The following IMMP2L variants were observed in gnomAD, a reference collection of about 807,000 sequenced individuals.
The protein encoded by IMMP2L is mitochondrial inner membrane protease subunit 2.
A neutral mutation model predicts 19.3 loss-of-function variants in IMMP2L; 18 were observed. The observed-to-expected ratio is 0.93, with a 90% CI of 0.64 to 1.38. The LOEUF is 1.38. Among genes scored for constraint, IMMP2L ranks in the 40% most tolerant of loss-of-function variants. IMMP2L has a pLI of 0.00. For synonymous variants in IMMP2L, 76 were observed against 73.0 expected, an observed-to-expected ratio of 1.04 and a Z score of -0.21; for missense variants, 233 against 218.2, an observed-to-expected ratio of 1.07 and a Z score of -0.43.
chr7:111,201,549 C>T (rs894470271), intron 3 of IMMP2L, among the ~76,000 whole-genome samples: 1 of 151,672 alleles, frequency 6.6e-6, no homozygotes, highest in Non-Finnish European at 1.5e-5. Context: ...AAACTCATCT[C>T]TAAAAAAAAT....
intron 3 of IMMP2L, among the ~76,000 whole-genome samples, chr7:111,342,674 T>A (rs1288756666): frequency 6.6e-6 from 1 of 152,090 alleles, no homozygotes; most frequent in Non-Finnish European, 1.5e-5. Flanking sequence ...TTATTGATCT[T>A]AAAAATGCTA....
chr7:110,750,016 C>CT (rs1277355366), intron 5 of IMMP2L, among the ~76,000 whole-genome samples: 1 of 152,058 alleles, frequency 6.6e-6, no homozygotes, highest in South Asian at 2.1e-4. Context: ...GGACTAAACT[C>CT]TAACAGCATA....
intron 3 of IMMP2L, among the ~76,000 whole-genome samples, chr7:111,224,356 G>C (rs1209275381): frequency 6.6e-6 from 1 of 152,094 alleles, no homozygotes; most frequent in South Asian, 2.1e-4. Context: ...GCAAATGATG[G>C]TTTGTACATG....
At chr7:111,158,245 A>C (rs1445277818) in intron 3 of IMMP2L, among the ~76,000 whole-genome samples, 1 of 152,086 alleles carries the variant, frequency 6.6e-6, no homozygotes, top group Non-Finnish European at 1.5e-5. Context: ...AATATTTTCA[A>C]CTCTTCAAAG....
intron 3 of IMMP2L, among the ~76,000 whole-genome samples, chr7:111,449,185 G>A (rs989219733): frequency 3.2e-4 from 47 of 146,786 alleles, no homozygotes; most frequent in Non-Finnish European, 3.5e-4. Flanking sequence ...TAGAAAAAGA[G>A]GGAATCCTCC....
rs533506048 is a variant in IMMP2L at position 111,059,026 on chromosome 7, C to T, written c.240-95461G>A. Among the ~76,000 whole-genome samples, 7 of 151,918 alleles carry T rather than the reference C, an allele frequency of 4.6e-5. No homozygotes were observed. The East Asian group carries it at 7.7e-4, about 17-fold the overall frequency. The stretch of plus-strand genomic sequence containing the variant: ...GAGATGGAGTCTTGCACTGTCGCTG[C>T]GGCTGGAGTGCAGTGGCGCAATCTC... On this transcript the variant is annotated intron_variant, in intron 3 of 5. Transcript: ENST00000405709.
rs548083909 is a variant in IMMP2L at position 110,721,271 on chromosome 7, AG to A, written c.409-57551del. Among the ~76,000 whole-genome samples the A allele has an allele frequency of 1.5e-4, 23 of 152,216 alleles. No individual in the cohort carries two copies. The East Asian group carries it at 4.4e-3, about 29-fold the overall frequency. ...AACCTTCCCAAGTCTCACATTGTTCAGGGTTGTTGCAAGGACTAAAATGAAA... is the reference window on the plus strand; with the variant it reads ...AACCTTCCCAAGTCTCACATTGTTCAGGTTGTTGCAAGGACTAAAATGAAA... On this transcript the variant is annotated intron_variant, in intron 5 of 5. Transcript: ENST00000405709.
rs149395650 is a variant in IMMP2L at position 110,754,587 on chromosome 7, A to G, written c.409-90866T>C. On this transcript the variant is annotated intron_variant, in intron 5 of 5. Transcript: ENST00000405709. ...TTTGGGTCTAGGGATATTAACTTGG[A>G]TTTTGAATTTTGGAAATTCTTGTTA... Among the ~76,000 whole-genome samples the G allele has an allele frequency of 2.7e-3, 407 of 152,176 alleles. 1 individual carries two copies. The highest frequency in any genetic ancestry group is 8.9e-3 in the African/African-American group (371 of 41,550).
chr7:111,371,249 C>G (rs11979086), intron 3 of IMMP2L, among the ~76,000 whole-genome samples: 2,504 of 152,108 alleles, frequency 0.016, 70 homozygotes, highest in African/African-American at 0.057. Context: ...TTCCCATTCT[C>G]TCGTGGTGAT....
At chr7:111,023,333 G>C (rs1276624972) in intron 3 of IMMP2L, among the ~76,000 whole-genome samples, 1 of 152,134 alleles carries the variant, frequency 6.6e-6, no homozygotes, top group African/African-American at 2.4e-5. Flanking sequence ...AATTGTTCAT[G>C]ATCTTGGTAA....
At position 111,377,307 on chromosome 7, in the gene IMMP2L, T is replaced by A. The variant is rs566315256; in HGVS notation, c.239+109931A>T. Among the ~76,000 whole-genome samples the A allele has an allele frequency of 3.3e-5, 5 of 152,000 alleles. No homozygotes were observed. In the East Asian group the frequency reaches 9.7e-4, roughly 29 times the overall value. On this transcript the variant is annotated intron_variant, in intron 3 of 5. Transcript: ENST00000405709. ...TTCATATATATAAAGAAGGAAAACA[T>A]CCCTCTATAGTACAGCTCTATAGTA... is the stretch of plus-strand genomic sequence containing the variant.
intron 3 of IMMP2L, among the ~76,000 whole-genome samples, chr7:110,980,754 TA>T (rs1185708823): frequency 6.6e-6 from 1 of 152,228 alleles, no homozygotes; most frequent in Admixed American, 6.5e-5. Flanking sequence ...ATTTTTGGCA[TA>T]ATAAAATTGT....
chr7:111,330,742 A>T (rs1050845028), intron 3 of IMMP2L, among the ~76,000 whole-genome samples: 1 of 151,930 alleles, frequency 6.6e-6, no homozygotes, highest in African/African-American at 2.4e-5. Flanking sequence ...GAAAACCAAA[A>T]ATCCAATTTA....
rs547862607 is a variant in IMMP2L at position 110,675,829 on chromosome 7, G to A, written c.409-12108C>T. Reference sequence around the variant, plus strand: ...AAATTAGGACACTTAAGAGTGAAGGGGGTTATTAATAATTAAACTGGGACA... The same window carrying A: ...AAATTAGGACACTTAAGAGTGAAGGAGGTTATTAATAATTAAACTGGGACA... On this transcript the variant is annotated intron_variant, in intron 5 of 5. Transcript: ENST00000405709. Among the ~76,000 whole-genome samples, 5 of 152,176 alleles carry A rather than the reference G, an allele frequency of 3.3e-5. No homozygotes were observed. In the East Asian group the frequency reaches 9.7e-4, roughly 29 times the overall value.
intron 1 of IMMP2L, among the ~76,000 whole-genome samples, chr7:111,552,278 T>C (rs1186005306): frequency 6.6e-6 from 1 of 152,000 alleles, no homozygotes; most frequent in Non-Finnish European, 1.5e-5. Context: ...AGGAATAGCA[T>C]CATTTTTGTT....
intron 5 of IMMP2L, among the ~76,000 whole-genome samples, chr7:110,707,017 T>TA (rs1554399166): frequency 1.5e-5 from 2 of 137,502 alleles, no homozygotes; most frequent in Non-Finnish European, 3.2e-5. Flanking sequence ...TTTTTTTTTT[T>TA]ATTATACTCT....
chr7:110,900,433 G>A (rs1308783153), intron 4 of IMMP2L, among the ~76,000 whole-genome samples: 1 of 152,126 alleles, frequency 6.6e-6, no homozygotes, highest in Non-Finnish European at 1.5e-5. Flanking sequence ...CGTCCATGCT[G>A]GTCCAAGCCA....
At chr7:110,874,056 T>C (rs1481283355) in intron 5 of IMMP2L, among the ~76,000 whole-genome samples, 1 of 152,094 alleles carries the variant, frequency 6.6e-6, no homozygotes, top group Non-Finnish European at 1.5e-5. Flanking sequence ...ATATATAGGG[T>C]ATTTTTTTGT....
intron 1 of IMMP2L, among the ~76,000 whole-genome samples, chr7:111,526,177 A>T (rs1367234047): frequency 6.6e-6 from 1 of 152,250 alleles, no homozygotes; most frequent in Non-Finnish European, 1.5e-5. Flanking sequence ...GCTATCAAGC[A>T]GCAATGCTAA....
Sources: allele counts gnomAD v4.1 joint callset (sites outside exome capture counted in the v4.1 genomes callset), GRCh38; gene constraint gnomAD v4.1.1; transcripts MANE v1.5; gene names NCBI Gene and HGNC (gene_info 2026-07-23, HGNC 2026-07-21).